The following RBFOX1 variants were observed in gnomAD, a reference collection of about 807,000 sequenced individuals.
RBFOX1 encodes the protein RNA binding fox-1 homolog 1.
A neutral mutation model predicts 57.7 loss-of-function variants in RBFOX1; 8 were observed. That is an observed-to-expected ratio of 0.14 (90% CI 0.08 to 0.25). The LOEUF (loss-of-function observed/expected upper bound fraction) is 0.25, where lower values mean the gene tolerates loss of function less well. Among genes scored for constraint, RBFOX1 ranks in the 10% least tolerant of loss-of-function variants. RBFOX1 has a pLI of 1.00. For missense variants in RBFOX1, 611 were observed against 548.5 expected, an observed-to-expected ratio of 1.11 and a Z score of -1.14; for synonymous variants, 326 against 222.4, an observed-to-expected ratio of 1.47 and a Z score of -4.15.
At chr16:7,090,006 G>A (rs974029594) in intron 4 of RBFOX1, among the ~76,000 whole-genome samples, 2 of 152,068 alleles carry the variant, frequency 1.3e-5, no homozygotes, top group Non-Finnish European at 2.9e-5. Context: ...ACACTGTGAG[G>A]TTGGAGGGGT....
intron 4 of RBFOX1, among the ~76,000 whole-genome samples, chr16:7,347,714 G>C (rs950713816): frequency 6.6e-6 from 1 of 152,104 alleles, no homozygotes; most frequent in African/African-American, 2.4e-5. Flanking sequence ...TCTCAGCTAG[G>C]ATCTGATGGA....
intron 1 of RBFOX1, among the ~76,000 whole-genome samples, chr16:6,219,453 A>G (rs1351721948): frequency 4.6e-5 from 7 of 152,218 alleles, no homozygotes; most frequent in Admixed American, 4.6e-4. Context: ...GAGGGAAAAA[A>G]GTAGAAAATA....
chr16:6,157,072 G>C (rs1242292459), intron 1 of RBFOX1, among the ~76,000 whole-genome samples: 1 of 152,062 alleles, frequency 6.6e-6, no homozygotes, highest in Non-Finnish European at 1.5e-5. Context: ...CTGGTCTCCA[G>C]TGATCCTCCA....
At chr16:6,675,093 A>G (rs573102827) in intron 3 of RBFOX1, among the ~76,000 whole-genome samples, 79 of 151,972 alleles carry the variant, frequency 5.2e-4, no homozygotes, top group African/African-American at 1.7e-3. Context: ...TTTTGTAGAG[A>G]TGGGGTTTCA....
At chr16:7,000,597 T>TTTTTTTTTTTTTTTTTTTTTTTTTC (rs2092700134) in intron 3 of RBFOX1, among the ~76,000 whole-genome samples, 2 of 47,362 alleles carry the variant, frequency 4.2e-5, no homozygotes, top group South Asian at 1.1e-3. Context: ...TTTTTCTTTC[T>TTTTTTTTTTTTTTTTTTTTTTTTTC]TTTTTTTTTT....
At chr16:7,445,454 A>C (rs1015407347) in intron 4 of RBFOX1, among the ~76,000 whole-genome samples, 2 of 152,286 alleles carry the variant, frequency 1.3e-5, no homozygotes, top group East Asian at 1.9e-4. Context: ...AACTAGGACA[A>C]GCTTTTGAAA....
intron 4 of RBFOX1, among the ~76,000 whole-genome samples, chr16:7,061,484 T>G (rs1338214228): frequency 6.6e-6 from 1 of 152,212 alleles, no homozygotes; most frequent in Admixed American, 6.5e-5. Context: ...TTTCTTCATT[T>G]TTGATGCTGA....
rs75295590 is a variant in RBFOX1, at chr16:5,724,252, T to C, written c.318+125291T>C. 9.5e-3 allele frequency among the ~76,000 whole-genome samples: 1,441 copies of C among 152,250 alleles called. 27 individuals carry two copies. Among genetic ancestry groups the C allele is most frequent in the African/African-American group, 0.033 (1,360 of 41,544 alleles). ...TGGAAAGGCCCCAAAATAAAACCTG[T>C]GTCTGGGGTAGTTGTCAGAGAGGCT... On this transcript the variant is annotated intron_variant, in intron 3 of 19. Transcript: ENST00000641259.
At chr16:7,171,471 C>A (rs2080690381) in intron 4 of RBFOX1, among the ~76,000 whole-genome samples, 1 of 152,206 alleles carries the variant, frequency 6.6e-6, no homozygotes, top group Admixed American at 6.5e-5. Flanking sequence ...AACTAGATTG[C>A]AGGATTATAG....
Position 7,084,464 on chromosome 16 carries a change from A to G in RBFOX1, c.27+32366A>G, listed in dbSNP as rs150338762. Among the ~76,000 whole-genome samples, 37 of 152,318 alleles carry G rather than the reference A, an allele frequency of 2.4e-4. No individual in the cohort carries two copies. In the East Asian group the frequency reaches 3.1e-3, roughly 13 times the overall value. On this transcript the variant is annotated intron_variant, in intron 4 of 15. Coordinates refer to ENST00000550418, the MANE Select transcript of RBFOX1 (RefSeq NM_018723.4). ...GCATGGACCTAGTAATGTCTTACTT[A>G]GAGAGATCCATTCTTTCCTTTAGCT...
At chr16:7,472,080 G>T (rs1184284610) in intron 4 of RBFOX1, among the ~76,000 whole-genome samples, 1 of 152,112 alleles carries the variant, frequency 6.6e-6, no homozygotes, top group Non-Finnish European at 1.5e-5. Flanking sequence ...CTCTCCTTCA[G>T]CATATCCTGC....
At chr16:5,640,206 C>G (rs977394314) in intron 3 of RBFOX1, among the ~76,000 whole-genome samples, 1 of 152,182 alleles carries the variant, frequency 6.6e-6, no homozygotes, top group Non-Finnish European at 1.5e-5. Flanking sequence ...GAGGACTGCT[C>G]ATTTCCAAAG....
At position 7,709,063 on chromosome 16, in the gene RBFOX1, C is replaced by CG; in HGVS notation, c.1004dup (p.Val336SerfsTer30). 1 of 1,613,338 alleles carries CG rather than the reference C, an allele frequency of 6.2e-7. No individual in the cohort carries two copies. The highest frequency in any genetic ancestry group is 8.5e-7 in the Non-Finnish European group (1 of 1,179,396). On this transcript the variant is annotated frameshift_variant, in exon 15 of 16. Coordinates refer to ENST00000550418, the MANE Select transcript of RBFOX1 (RefSeq NM_018723.4). LOFTEE classifies it high-confidence loss of function. The stretch of plus-strand genomic sequence containing the variant: ...CCTCTATTTTCCTTTCAGTTACGGA[C>CG]GAGTTTATGCTGCCGACCCCTACCA...
intron 3 of RBFOX1, among the ~76,000 whole-genome samples, chr16:5,747,659 T>G (rs950663380): frequency 3.9e-5 from 6 of 152,060 alleles, no homozygotes; most frequent in Non-Finnish European, 7.4e-5. Flanking sequence ...TTTCTAGTTT[T>G]TTTGCGTAGA....
At chr16:7,524,119 T>G (rs1209231549) in intron 5 of RBFOX1, among the ~76,000 whole-genome samples, 1 of 152,228 alleles carries the variant, frequency 6.6e-6, no homozygotes, top group Non-Finnish European at 1.5e-5. Context: ...CTTAATATCA[T>G]TCTAAGGACA....
At chr16:5,543,079 C>T (rs2045032112) in intron 2 of RBFOX1, among the ~76,000 whole-genome samples, 2 of 152,152 alleles carry the variant, frequency 1.3e-5, no homozygotes, top group Non-Finnish European at 2.9e-5. Context: ...GCTCTAGTCC[C>T]AGCTGACAAA....
chr16:7,246,305 G>T (rs567959845), intron 4 of RBFOX1, among the ~76,000 whole-genome samples: 7 of 152,226 alleles, frequency 4.6e-5, no homozygotes, highest in Admixed American at 3.3e-4. Context: ...AGCTCCAGCA[G>T]CACCCTCCCT....
chr16:5,746,746 C>G (rs974856940), intron 3 of RBFOX1, among the ~76,000 whole-genome samples: 31 of 152,020 alleles, frequency 2.0e-4, no homozygotes, highest in Admixed American at 1.3e-4. Flanking sequence ...TGTTTGTCTG[C>G]TACTGGTGTA....
intron 4 of RBFOX1, among the ~76,000 whole-genome samples, chr16:7,100,247 T>C (rs1329418878): frequency 1.3e-5 from 2 of 152,136 alleles, no homozygotes; most frequent in East Asian, 1.9e-4. Flanking sequence ...TTGTGAAAAA[T>C]GGTTAGAATA....
Sources: gnomAD v4.1 joint callset for allele counts (sites outside exome capture counted in the v4.1 genomes callset) on GRCh38, gnomAD v4.1.1 for gene constraint, MANE v1.5 for transcripts, NCBI Gene and HGNC (gene_info 2026-07-23, HGNC 2026-07-21) for gene names.